Variants in TLL1 observed in about 807,000 individuals in gnomAD.
TLL1 encodes the protein tolloid like 1.
Under a neutral mutation model 128.2 loss-of-function variants are expected in TLL1, and 49 were observed. The observed-to-expected ratio is 0.38, with a 90% CI of 0.30 to 0.48. The LOEUF is 0.48. Ranked by LOEUF, TLL1 falls within the 20% of genes least tolerant of loss-of-function variation. The pLI, the probability that TLL1 is intolerant of heterozygous loss-of-function variation, is 0.96. For synonymous variants in TLL1, 454 were observed against 418.8 expected, an observed-to-expected ratio of 1.08 and a Z score of -1.03; for missense variants, 1,123 against 1,242.0, an observed-to-expected ratio of 0.90 and a Z score of 1.44.
intron 1 of TLL1, among the ~76,000 whole-genome samples, chr4:165,962,684 A>C (rs2110962379): frequency 6.6e-6 from 1 of 152,296 alleles, no homozygotes; most frequent in Non-Finnish European, 1.5e-5. Context: ...TGGACTGGAT[A>C]AAGAAAACGT....
At chr4:165,906,762 G>A (rs182447764) in intron 1 of TLL1, among the ~76,000 whole-genome samples, 1 of 148,922 alleles carries the variant, frequency 6.7e-6, no homozygotes, top group East Asian at 2.0e-4. Flanking sequence ...AATTAGGCCT[G>A]TATCTTAGTG....
chr4:165,950,541 A>G (rs1734462865), intron 1 of TLL1, among the ~76,000 whole-genome samples: 1 of 152,160 alleles, frequency 6.6e-6, no homozygotes, highest in African/African-American at 2.4e-5. Flanking sequence ...ATCTAAGTTA[A>G]AAAATCGAAA....
intron 9 of TLL1, among the ~76,000 whole-genome samples, chr4:166,031,619 C>T (rs765667563): frequency 5.9e-5 from 9 of 152,058 alleles, no homozygotes; most frequent in Non-Finnish European, 1.2e-4. Flanking sequence ...CTACCTGCCT[C>T]AGCCTCCCAA....
chr4:166,043,834 C>G (rs1442761750), intron 12 of TLL1, among the ~76,000 whole-genome samples: 1 of 148,732 alleles, frequency 6.7e-6, no homozygotes, highest in South Asian at 2.1e-4. Context: ...TTTACCATAA[C>G]ACAGATAATT....
At chr4:165,933,823 C>A (rs533471937) in intron 1 of TLL1, among the ~76,000 whole-genome samples, 7 of 152,256 alleles carry the variant, frequency 4.6e-5, no homozygotes, top group Non-Finnish European at 7.4e-5. Flanking sequence ...CGAGCAGCTC[C>A]CCTCCACTGC....
intron 15 of TLL1, 42 bp from the exon 16 acceptor site, chr4:166,065,641 G>A (rs751207517): frequency 2.5e-6 from 4 of 1,585,430 alleles, no homozygotes; most frequent in Non-Finnish European, 8.7e-7. Flanking sequence ...CAATCATCTT[G>A]TACTCACAAA....
At chr4:166,010,472 C>G (rs1737636825) in intron 7 of TLL1, among the ~76,000 whole-genome samples, 1 of 150,834 alleles carries the variant, frequency 6.6e-6, no homozygotes. Context: ...ATGTCTAAAT[C>G]AGGTTATTTG....
At chr4:166,062,100 A>G (rs1428557022) in intron 15 of TLL1, among the ~76,000 whole-genome samples, 1 of 152,168 alleles carries the variant, frequency 6.6e-6, no homozygotes, top group Non-Finnish European at 1.5e-5. Context: ...TACCAGTACC[A>G]TGCTGTTTTA....
intron 1 of TLL1, among the ~76,000 whole-genome samples, chr4:165,926,706 A>G (rs1218506927): frequency 6.6e-6 from 1 of 152,182 alleles, no homozygotes; most frequent in Admixed American, 6.5e-5. Context: ...CAGAGTGGAC[A>G]GTTGCTACCC....
At chr4:166,091,496 G>A (rs1741780006) in intron 19 of TLL1, among the ~76,000 whole-genome samples, 155 bp downstream of exon 19, 1 of 152,080 alleles carries the variant, frequency 6.6e-6, no homozygotes, top group Non-Finnish European at 1.5e-5. Flanking sequence ...GAACCATACA[G>A]CATCCTACCT....
At chr4:165,967,767 T>C (rs563480623) in intron 1 of TLL1, among the ~76,000 whole-genome samples, 1 of 151,806 alleles carries the variant, frequency 6.6e-6, no homozygotes, top group South Asian at 2.1e-4. Flanking sequence ...AAGGGCAGAG[T>C]CAGTGGAATT....
chr4:166,049,805 C>T (rs1739628912), intron 12 of TLL1, among the ~76,000 whole-genome samples: 1 of 151,398 alleles, frequency 6.6e-6, no homozygotes, highest in African/African-American at 2.4e-5. Flanking sequence ...AGATTTTTCT[C>T]ATTATAAAAA....
intron 16 of TLL1, among the ~76,000 whole-genome samples, chr4:166,073,013 A>C (rs1740860398): frequency 6.6e-6 from 1 of 152,266 alleles, no homozygotes; most frequent in East Asian, 1.9e-4. Context: ...CGGGTCTTAT[A>C]TTAAGTATAC....
At position 166,101,053 on chromosome 4, in the gene TLL1, C is replaced by A; in HGVS notation, c.*177C>A. 1 of 720,630 alleles carries A rather than the reference C, an allele frequency of 1.4e-6. No individual in the cohort carries two copies. The highest frequency in any genetic ancestry group is 2.2e-6 in the Non-Finnish European group (1 of 449,060). The allele number at this position is 720,630 out of a possible 1,614,324, so 44.6% of individuals were successfully genotyped here. ...AAGTTTCCAGCAAAACCCTCATCAG[C>A]ATTACAAGGATATTTGAACTCCATG... is the stretch of plus-strand genomic sequence containing the variant. On this transcript the variant is annotated 3_prime_UTR_variant, in exon 21 of 21. Coordinates refer to ENST00000061240, the MANE Select transcript of TLL1 (RefSeq NM_012464.5).
intron 17 of TLL1, among the ~76,000 whole-genome samples, chr4:166,077,534 A>G (rs1435816289): frequency 6.6e-6 from 1 of 152,198 alleles, no homozygotes; most frequent in African/African-American, 2.4e-5. Context: ...GCATAGTCCA[A>G]TGATGTTTGT....
intron 1 of TLL1, among the ~76,000 whole-genome samples, chr4:165,986,166 T>C (rs1736386312): frequency 6.6e-6 from 1 of 151,948 alleles, no homozygotes; most frequent in Non-Finnish European, 1.5e-5. Flanking sequence ...GAAAACAAAA[T>C]TCCAAAGTGG....
rs750718239 is a variant in TLL1, at chr4:166,077,926, A to G, written c.2338A>G (p.Ser780Gly). ...AGCTGAGTGTGAACAGAAGATCCAC[A>G]GTCCAAGTGGCCTCATCACCAGTCC... Reference protein sequence around the residue: ...KEAECEQKIHSPSGLITSPNW... With the variant: ...KEAECEQKIHGPSGLITSPNW... Residue 780 changes from serine to glycine, a missense_variant, in exon 18 of 21, where the codon AGT becomes GGT. Transcript: ENST00000061240. 1.9e-6 allele frequency: 3 copies of G among 1,613,614 alleles called. No homozygotes were observed. Among genetic ancestry groups the G allele is most frequent in the Admixed American group, 3.3e-5 (2 of 59,974 alleles).
chr4:165,944,678 A>T (rs1038181319), intron 1 of TLL1, among the ~76,000 whole-genome samples: 8 of 152,154 alleles, frequency 5.3e-5, no homozygotes, highest in African/African-American at 1.9e-4. Flanking sequence ...GGAGAAACCC[A>T]GTAGGAGGCT....
At chr4:166,039,057 ATTAACT>A (rs992486989) in intron 9 of TLL1, among the ~76,000 whole-genome samples, 138 of 152,310 alleles carry the variant, frequency 9.1e-4, no homozygotes, top group African/African-American at 3.0e-3. Flanking sequence ...AATTGTCCAG[ATTAACT>A]TTACAGAAAC....
Sources: gnomAD v4.1 joint callset for allele counts (sites outside exome capture counted in the v4.1 genomes callset) on GRCh38, gnomAD v4.1.1 for gene constraint, MANE v1.5 for transcripts, NCBI Gene and HGNC (gene_info 2026-07-23, HGNC 2026-07-21) for gene names.